The following MAD2L2 variants were observed in gnomAD, a reference collection of about 807,000 sequenced individuals.
MAD2L2 encodes mitotic spindle assembly checkpoint protein MAD2B.
MAD2L2 carries 17 observed loss-of-function variants against 30.5 expected under a neutral mutation model. That is an observed-to-expected ratio of 0.56 (90% CI 0.38 to 0.84). The LOEUF (loss-of-function observed/expected upper bound fraction) is 0.84, where lower values mean the gene tolerates loss of function less well. Among genes scored for constraint, MAD2L2 ranks in the 40% least tolerant of loss-of-function variants. The pLI is 0.00. For synonymous variants in MAD2L2, 101 were observed against 113.9 expected (o/e 0.89, Z 0.72); for missense variants, 213 against 277.4 (o/e 0.77, Z 1.65).
intron 1 of MAD2L2, 77 bp downstream of exon 1, chr1:11,680,962 T>C (rs1279901664): frequency 4.4e-6 from 1 of 226,706 alleles, no homozygotes; most frequent in Non-Finnish European, 8.1e-6. Context: ...CGAAGCGGGG[T>C]TGGAATAAGA....
At chr1:11,689,069 G>T (rs954512167) in intron 1 of MAD2L2, among the ~76,000 whole-genome samples, 1 of 152,154 alleles carries the variant, frequency 6.6e-6, no homozygotes, top group Non-Finnish European at 1.5e-5. Flanking sequence ...GCCAAGGCAG[G>T]CAGATTGCCT....
intron 1 of MAD2L2, among the ~76,000 whole-genome samples, chr1:11,689,270 G>T (rs1285354760): frequency 7.5e-6 from 1 of 132,874 alleles, no homozygotes; most frequent in Admixed American, 8.3e-5. Flanking sequence ...ACAAGCCTGG[G>T]CAACAAAGTG....
At chr1:11,677,157 G>A in intron 4 of MAD2L2, 1 of 618,136 alleles carries the variant, frequency 1.6e-6, no homozygotes, top group Non-Finnish European at 2.9e-6. Flanking sequence ...AGAATGCCCG[G>A]GCCCCATAGG....
intron 1 of MAD2L2, among the ~76,000 whole-genome samples, chr1:11,686,709 C>T (rs1640961640): frequency 6.7e-6 from 1 of 148,924 alleles, no homozygotes; most frequent in Non-Finnish European, 1.5e-5. Context: ...GGCCCAGAGA[C>T]ACTAAATGCC....
intron 4 of MAD2L2, 71 bp from the exon 5 acceptor site, chr1:11,677,019 C>G (rs1052586038): frequency 2.5e-6 from 3 of 1,194,630 alleles, no homozygotes; most frequent in Admixed American, 3.5e-5. Flanking sequence ...CCTCCACCCC[C>G]TTGCCCAAGG....
In MAD2L2 at chr1:11,688,376, A is replaced by G. The variant is rs55661766; in HGVS notation, c.-692+3037T>C. Among the ~76,000 whole-genome samples the G allele has an allele frequency of 0.012, 1,825 of 152,246 alleles. 26 individuals carry two copies. The highest frequency in any genetic ancestry group is 0.016 in the Non-Finnish European group (1,099 of 68,024). On this transcript the variant is annotated intron_variant, in intron 1 of 10. Coordinates refer to the MAD2L2 transcript ENST00000235310. This position sits in a 1 kb window ranked among gnomAD's most constrained non-coding sequence, Gnocchi z 4.6. Reference sequence around the variant, plus strand: ...GGATATCGAGACCATCCTGGCTAACATGGGGAAACTCTGTCTCTACTAAAA... The same window carrying G: ...GGATATCGAGACCATCCTGGCTAACGTGGGGAAACTCTGTCTCTACTAAAA...
At chr1:11,681,794 C>G (rs1408580259), upstream of MAD2L2, 1 of 152,188 alleles carries the variant, frequency 6.6e-6, no homozygotes, top group African/African-American at 2.4e-5. Context: ...CGTGGATTAT[C>G]TCAGTCCTGG....
In MAD2L2 at chr1:11,676,119, A is replaced by G. The variant is rs542007676; in HGVS notation, c.354T>C (p.His118=). ...TGAAGGCCCGGAGCAGCTGCTCCAC[A>G]TGAGACAACAGCGAGTCTGAGCTGG... ...LSISSDSLLS[H]VEQLLRAFIL... The change falls in exon 6 of 9, where the codon CAT becomes CAC. Residue 118 remains histidine, a synonymous_variant. Coordinates refer to ENST00000376692, the MANE Select transcript of MAD2L2 (RefSeq NM_006341.4). 148 of 1,607,498 alleles carry G rather than the reference A, an allele frequency of 9.2e-5. No homozygotes were observed. The South Asian group carries it at 1.5e-3, about 16-fold the overall frequency.
At chr1:11,684,285 T>C (rs551078350), upstream of MAD2L2, among the ~76,000 whole-genome samples, 1 of 152,330 alleles carries the variant, frequency 6.6e-6, no homozygotes, top group South Asian at 2.1e-4. Context: ...CGCATCAGCA[T>C]GATGGATGGT....
intron 1 of MAD2L2, among the ~76,000 whole-genome samples, chr1:11,691,248 C>G (rs1641058990): frequency 6.6e-6 from 1 of 152,068 alleles, no homozygotes; most frequent in South Asian, 2.1e-4. Flanking sequence ...CAGACGCGGC[C>G]GCAGCTGAGC....
In MAD2L2 at chr1:11,675,180, G is replaced by A; in HGVS notation, c.502-6C>T. 1 of 1,584,406 alleles carries A rather than the reference G, an allele frequency of 6.3e-7. No homozygotes were observed. The highest frequency in any genetic ancestry group is 1.1e-5 in the South Asian group (1 of 87,574). On this transcript the variant is annotated splice_region_variant and splice_polypyrimidine_tract_variant and intron_variant, in intron 7 of 8. Transcript: ENST00000376692. ...GCCAGGATCCAGGGGAAATCCTAGGGAGGAGACAAAGGTCAGGGGGGTGAC... is the reference window on the plus strand; with the variant it reads ...GCCAGGATCCAGGGGAAATCCTAGGAAGGAGACAAAGGTCAGGGGGGTGAC...
chr1:11,690,883 TC>T lies in MAD2L2; in HGVS notation c.-692+529del, dbSNP rs2100724163. 6.6e-6 allele frequency among the ~76,000 whole-genome samples: 1 copy of T among 152,210 alleles called. No individual in the cohort carries two copies. Among genetic ancestry groups the T allele is most frequent in the African/African-American group, 2.4e-5 (1 of 41,532 alleles). On this transcript the variant is annotated intron_variant, in intron 1 of 10. Coordinates refer to the MAD2L2 transcript ENST00000235310. This position sits in a 1 kb window ranked among gnomAD's most constrained non-coding sequence, Gnocchi z 4.2. ...CCGGGTTGGGCCGGTCTGAGAAGCT[TC>T]AGGCCGGCTTTGGACGGGGCGTGGC...
intron 1 of MAD2L2, 112 bp downstream of exon 1, chr1:11,680,920 GGCCGGGA>G (rs1640863986): frequency 2.2e-6 from 1 of 462,914 alleles, no homozygotes; most frequent in Admixed American, 5.1e-5. Flanking sequence ...GGATGCCCAG[GGCCGGGA>G]GCGCAAAGCG....
intron 1 of MAD2L2, 188 bp downstream of exon 1, chr1:11,680,851 G>T: frequency 1.7e-6 from 2 of 1,167,726 alleles, no homozygotes; most frequent in Non-Finnish European, 2.2e-6. Context: ...TCGCGGGGTG[G>T]AAAGACCACA....
chr1:11,675,983 C>T, intron 6 of MAD2L2, 63 bp downstream of exon 6: 1 of 1,424,582 alleles, frequency 7.0e-7, no homozygotes, highest in Non-Finnish European at 9.9e-7. Context: ...GACCTGGGAA[C>T]ACAGACCAAC....
intron 5 of MAD2L2, 125 bp downstream of exon 5, chr1:11,676,723 G>A: frequency 1.3e-6 from 1 of 740,956 alleles, no homozygotes; most frequent in East Asian, 2.7e-5. Context: ...TGTCATGCTG[G>A]TGCTTCTTGC....
chr1:11,686,807 TA>T (rs560855200), intron 1 of MAD2L2, among the ~76,000 whole-genome samples: 7,324 of 104,520 alleles, frequency 0.07, 423 homozygotes, highest in African/African-American at 0.17. Context: ...ACTGCCACTT[TA>T]AAAAAAAAAA....
In MAD2L2 at chr1:11,675,651, A is replaced by G. The variant is rs1413802905; in HGVS notation, c.501+7T>C. 6.2e-7 allele frequency: 1 copy of G among 1,611,214 alleles called. No individual in the cohort carries two copies. Among genetic ancestry groups the G allele is most frequent in the Non-Finnish European group, 8.5e-7 (1 of 1,177,826 alleles). ...CTGCGCCCAGACCCAGACCCATCTC[A>G]TCTCACCTTGATGACCTGGATCTTC... On this transcript the variant is annotated splice_region_variant and intron_variant, in intron 7 of 8. Coordinates refer to ENST00000376692, the MANE Select transcript of MAD2L2 (RefSeq NM_006341.4).
Position 11,675,104 on chromosome 1 carries a change from G to C in MAD2L2, c.572C>G (p.Thr191Ser), listed in dbSNP as rs1640735724. Residue 191 changes from threonine to serine, a missense_variant, in exon 8 of 9, where the codon ACC becomes AGC. Physicochemically the swap from Thr to Ser is moderately conservative, Grantham distance 58. Coordinates refer to ENST00000376692, the MANE Select transcript of MAD2L2 (RefSeq NM_006341.4). The part of the protein sequence containing the change: ...MHDPRLIPLK[T>S]MTSDILKMQL... ...CACCTTTAAAATGTCCGACGTCATG[G>C]TTTTTAGTGGTATCAGCCGGGGGTC... is the stretch of plus-strand genomic sequence containing the variant. 6.3e-7 allele frequency: 1 copy of C among 1,599,422 alleles called. No homozygotes were observed. The highest frequency in any genetic ancestry group is 8.5e-7 in the Non-Finnish European group (1 of 1,173,088).
Sources: gnomAD v4.1 joint callset for allele counts (sites outside exome capture counted in the v4.1 genomes callset) on GRCh38, gnomAD v4.1.1 for gene constraint, Gnocchi (gnomAD v3.1) non-coding constraint, MANE v1.5 for transcripts, NCBI Gene and HGNC (gene_info 2026-07-23, HGNC 2026-07-21) for gene names.